Variants in ZNF148 observed in about 807,000 individuals in gnomAD.
ZNF148 encodes Beta-Enolase Repressor Factor-1.
ZNF148 carries 7 observed loss-of-function variants against 67.7 expected under a neutral mutation model. The ratio of observed to expected loss-of-function variants is 0.10; its 90% CI spans 0.06 to 0.19. The LOEUF is 0.19. ZNF148 is among the 10% of genes least tolerant of loss of function. The pLI is 1.00. For missense variants in ZNF148, 583 were observed against 947.1 expected (o/e 0.62, Z 5.05); for synonymous variants, 333 against 330.7 (o/e 1.01, Z -0.08).
intron 5 of ZNF148, among the ~76,000 whole-genome samples, chr3:125,280,997 G>C (rs1312910939): frequency 6.6e-6 from 1 of 152,108 alleles, no homozygotes; most frequent in Non-Finnish European, 1.5e-5. Flanking sequence ...ACCTAGAAAA[G>C]GGCAGTACGT....
chr3:125,232,367 C>G lies in ZNF148; in HGVS notation c.2359G>C (p.Ala787Pro), dbSNP rs1935891348. Residue 787 changes from alanine to proline, a missense_variant, in exon 9 of 9, where the codon GCC becomes CCC. By Grantham distance (27) the Ala-to-Pro change is conservative. Around this residue, in one of 5 missense-constraint regions of ZNF148, gnomAD observed 158 missense variants for 208.4 expected, o/e 0.76. Transcript: ENST00000360647. This position sits in a 1 kb window ranked among gnomAD's most constrained non-coding sequence, Gnocchi z 4.2. The stretch of plus-strand genomic sequence containing the variant: ...TAGCCAAAAGTCTGGCCAGTTGTGG[C>G]ATCAGGTGAAGATGTCATCCCAGCT... ...NRAGMTSSPD[A>P]TTGQTFG The G allele has an allele frequency of 1.9e-6, 3 of 1,599,066 alleles. No homozygotes were observed. Among genetic ancestry groups the G allele is most frequent in the Admixed American group, 3.4e-5 (2 of 59,432 alleles).
At chr3:125,256,961 C>T (rs1579633798) in intron 7 of ZNF148, among the ~76,000 whole-genome samples, 2 of 125,698 alleles carry the variant, frequency 1.6e-5, no homozygotes, top group East Asian at 4.3e-4. Context: ...AGTTCCAGAA[C>T]TTCCAGTTTT....
At chr3:125,369,301 G>T (rs1265302160) in intron 1 of ZNF148, among the ~76,000 whole-genome samples, 1 of 49,606 alleles carries the variant, frequency 2.0e-5, no homozygotes, top group South Asian at 7.6e-4. Context: ...TAGAAGCCTA[G>T]AAAGAACATT....
chr3:125,255,362 T>A (rs13327822), intron 7 of ZNF148, among the ~76,000 whole-genome samples: 1 of 147,526 alleles, frequency 6.8e-6, no homozygotes, highest in Non-Finnish European at 1.5e-5. Context: ...TTCTCCTGCC[T>A]CAGCCTCCCA....
At chr3:125,369,260 T>TC (rs1559787822) in intron 1 of ZNF148, among the ~76,000 whole-genome samples, 4 of 3,888 alleles carry the variant, frequency 1.0e-3, no homozygotes, top group Non-Finnish European at 1.6e-3. Context: ...AGATCCTGCC[T>TC]CAAAAAAAAA....
intron 1 of ZNF148, among the ~76,000 whole-genome samples, chr3:125,357,495 C>T (rs1942395746): frequency 6.6e-6 from 1 of 152,198 alleles, no homozygotes; most frequent in Non-Finnish European, 1.5e-5. Flanking sequence ...CTTCAGGGAG[C>T]GCCCACTCGC....
intron 7 of ZNF148, 94 bp downstream of exon 7, chr3:125,277,632 G>T: frequency 9.9e-7 from 1 of 1,008,684 alleles, no homozygotes. Context: ...TAAACCAATG[G>T]AAATGGCAGC....
intron 2 of ZNF148, among the ~76,000 whole-genome samples, chr3:125,324,780 T>C (rs960980329): frequency 7.9e-5 from 12 of 152,212 alleles, no homozygotes; most frequent in Non-Finnish European, 1.6e-4. Flanking sequence ...CTTCAGAAAG[T>C]ATAATATTAA....
At chr3:125,278,175 C>T (rs1370065168) in intron 6 of ZNF148, among the ~76,000 whole-genome samples, 2 of 152,130 alleles carry the variant, frequency 1.3e-5, no homozygotes, top group African/African-American at 4.8e-5. Flanking sequence ...GTGCGCCCAT[C>T]CTGTTTTCTC....
chr3:125,355,921 C>T (rs990804925), intron 1 of ZNF148, among the ~76,000 whole-genome samples: 2 of 152,122 alleles, frequency 1.3e-5, no homozygotes, highest in African/African-American at 2.4e-5. Flanking sequence ...GAGGTCCAAA[C>T]GTTTTCAACA....
At chr3:125,303,370 AC>A (rs1939702312) in intron 4 of ZNF148, among the ~76,000 whole-genome samples, 1 of 152,220 alleles carries the variant, frequency 6.6e-6, no homozygotes, top group South Asian at 2.1e-4. Flanking sequence ...CCAAGCCGTG[AC>A]CTGTTAGGAA....
At chr3:125,234,993 G>A (rs908044803) in intron 7 of ZNF148, among the ~76,000 whole-genome samples, 1 of 152,104 alleles carries the variant, frequency 6.6e-6, no homozygotes, top group African/African-American at 2.4e-5. Flanking sequence ...AGTCAGGTGT[G>A]TTATCCATTG....
At chr3:125,359,394 A>G (rs1347853294) in intron 1 of ZNF148, among the ~76,000 whole-genome samples, 1 of 152,232 alleles carries the variant, frequency 6.6e-6, no homozygotes, top group African/African-American at 2.4e-5. Flanking sequence ...TTTCTACATT[A>G]AATATGCTTT....
At chr3:125,346,595 C>A (rs1248493792) in intron 1 of ZNF148, among the ~76,000 whole-genome samples, 7 of 152,154 alleles carry the variant, frequency 4.6e-5, no homozygotes, top group African/African-American at 7.2e-5. Flanking sequence ...ACGAGCAGTT[C>A]CCCCATGCTA....
intron 7 of ZNF148, among the ~76,000 whole-genome samples, chr3:125,264,802 ATAG>A (rs769262514): frequency 6.6e-6 from 1 of 152,214 alleles, no homozygotes; most frequent in Non-Finnish European, 1.5e-5. Flanking sequence ...CTAGAGTATG[ATAG>A]TAGTATTCCT....
At chr3:125,242,084 GA>G (rs1195697033) in intron 7 of ZNF148, among the ~76,000 whole-genome samples, 3 of 152,154 alleles carry the variant, frequency 2.0e-5, no homozygotes, top group African/African-American at 7.2e-5. Context: ...GCTTTATTAA[GA>G]AGGTTGGTCT....
intron 1 of ZNF148, among the ~76,000 whole-genome samples, chr3:125,363,601 T>G (rs1472994035): frequency 1.3e-5 from 2 of 152,074 alleles, no homozygotes; most frequent in Admixed American, 1.3e-4. Context: ...CTTATAGCTA[T>G]CCCTCTCCTT....
intron 4 of ZNF148, among the ~76,000 whole-genome samples, chr3:125,305,942 C>T (rs1939855504): frequency 6.6e-6 from 1 of 151,984 alleles, no homozygotes; most frequent in Admixed American, 6.6e-5. Context: ...ATATGCCAAG[C>T]ACTGAAACAA....
chr3:125,344,399 T>C, intron 1 of ZNF148: 1 of 692,654 alleles, frequency 1.4e-6, no homozygotes, highest in Non-Finnish European at 2.7e-6. Flanking sequence ...ACTCTGTCCC[T>C]TGGCCTCCTC....
Sources: allele counts gnomAD v4.1 joint callset (sites outside exome capture counted in the v4.1 genomes callset), GRCh38; gene constraint gnomAD v4.1.1; regional missense constraint gnomAD v4.1.1; non-coding constraint Gnocchi (gnomAD v3.1); transcripts MANE v1.5; gene names NCBI Gene and HGNC (gene_info 2026-07-23, HGNC 2026-07-21).